The following NKAIN2 variants were observed in gnomAD, a reference collection of about 807,000 sequenced individuals.
NKAIN2 encodes sodium/potassium-transporting ATPase subunit beta-1-interacting protein 2.
Under a neutral mutation model 32.6 loss-of-function variants are expected in NKAIN2, and 14 were observed. That is an observed-to-expected ratio of 0.43 (90% confidence interval 0.28 to 0.67). NKAIN2 has a LOEUF of 0.67. Among genes scored for constraint, NKAIN2 ranks in the 30% least tolerant of loss-of-function variants. NKAIN2 has a pLI of 0.17. For synonymous variants in NKAIN2, 80 were observed against 87.2 expected (o/e 0.92, Z 0.46); for missense variants, 198 against 258.3 (o/e 0.77, Z 1.60).
chr6:124,411,083 G>A lies in NKAIN2; in HGVS notation c.273+55736G>A, dbSNP rs1373141363. ...TTTGAGCCTATGTGTGTCTCTGCAC[G>A]TGAGATGGGTTTCCTGAATACAGCA... On this transcript the variant is annotated intron_variant, in intron 3 of 6. Transcript: ENST00000368417. 2.1e-3 allele frequency among the ~76,000 whole-genome samples: 316 copies of A among 150,762 alleles called. 2 individuals are homozygous for A. Among genetic ancestry groups the A allele is most frequent in the South Asian group, 0.011 (50 of 4,720 alleles).
At chr6:124,424,371 CAT>C (rs1371455528) in intron 3 of NKAIN2, among the ~76,000 whole-genome samples, 1 of 152,142 alleles carries the variant, frequency 6.6e-6, no homozygotes, top group Non-Finnish European at 1.5e-5. Flanking sequence ...CAGCTCATTA[CAT>C]AGTTACTACT....
intron 1 of NKAIN2, among the ~76,000 whole-genome samples, chr6:124,084,380 G>T (rs546797718): frequency 6.6e-6 from 1 of 151,884 alleles, no homozygotes; most frequent in Non-Finnish European, 1.5e-5. Context: ...TGCCATACAG[G>T]TTTGTAGCTT....
intron 3 of NKAIN2, among the ~76,000 whole-genome samples, chr6:124,386,617 G>A (rs1772911556): frequency 6.6e-6 from 1 of 152,156 alleles, no homozygotes. Context: ...GTGGAAAATT[G>A]GCTTAGCTTT....
chr6:124,271,305 C>T (rs1245365079), intron 1 of NKAIN2, among the ~76,000 whole-genome samples: 1 of 152,164 alleles, frequency 6.6e-6, no homozygotes, highest in Non-Finnish European at 1.5e-5. Flanking sequence ...CAAGCTCCAC[C>T]TCCCGGGTTC....
intron 1 of NKAIN2, among the ~76,000 whole-genome samples, chr6:123,896,935 C>T (rs1774310788): frequency 6.6e-6 from 1 of 152,154 alleles, no homozygotes; most frequent in Non-Finnish European, 1.5e-5. Flanking sequence ...CCTGCAACCC[C>T]ACATTTCTTG....
intron 3 of NKAIN2, among the ~76,000 whole-genome samples, chr6:124,631,936 A>C (rs948064579): frequency 9.8e-5 from 15 of 152,312 alleles, no homozygotes; most frequent in Non-Finnish European, 2.1e-4. Context: ...AGATCCCTTA[A>C]GTAAGTGTAT....
rs148935626 is a variant in NKAIN2 at position 124,100,720 on chromosome 6, G to A, written c.55-182285G>A. Among the ~76,000 whole-genome samples the A allele has an allele frequency of 4.1e-3, 621 of 152,284 alleles. 3 individuals carry two copies. The highest frequency in any genetic ancestry group is 0.014 in the African/African-American group (572 of 41,566). On this transcript the variant is annotated intron_variant, in intron 1 of 6. Coordinates refer to ENST00000368417, the MANE Select transcript of NKAIN2 (RefSeq NM_001040214.3). ...AAATTAGATAGTTCTGCTTTGTTAC[G>A]AGAAACTATCAAACTCGGATGCAGG...
intron 3 of NKAIN2, among the ~76,000 whole-genome samples, chr6:124,623,278 A>T (rs1186416923): frequency 6.6e-6 from 1 of 152,012 alleles, no homozygotes. Flanking sequence ...CTATTCTTTG[A>T]CTCATCACAT....
Position 124,438,216 on chromosome 6 carries a change from G to C in NKAIN2, c.273+82869G>C, listed in dbSNP as rs146749689. Among the ~76,000 whole-genome samples the C allele has an allele frequency of 5.0e-3, 765 of 152,156 alleles. 6 individuals carry two copies. The highest frequency in any genetic ancestry group is 0.017 in the African/African-American group (701 of 41,514). ...TAATCAGCGTCAAGCTGCAATAATT[G>C]TCTAAAAATCCCCAGAATTTAATTT... is the stretch of plus-strand genomic sequence containing the variant. On this transcript the variant is annotated intron_variant, in intron 3 of 6. Coordinates refer to ENST00000368417, the MANE Select transcript of NKAIN2 (RefSeq NM_001040214.3).
intron 1 of NKAIN2, among the ~76,000 whole-genome samples, chr6:124,208,209 T>C (rs1017334870): frequency 2.0e-5 from 3 of 151,962 alleles, no homozygotes; most frequent in Non-Finnish European, 4.4e-5. Context: ...AGCCTCAATT[T>C]CTTGATATAT....
At chr6:123,976,312 CATATATAT>C (rs1379603157) in intron 1 of NKAIN2, among the ~76,000 whole-genome samples, 1 of 32,838 alleles carries the variant, frequency 3.0e-5, no homozygotes, top group Non-Finnish European at 6.5e-5. Flanking sequence ...TATATGTTTC[CATATATAT>C]ATATGTTCCC....
chr6:124,541,538 A>T (rs544773929), intron 3 of NKAIN2, among the ~76,000 whole-genome samples: 10 of 152,338 alleles, frequency 6.6e-5, no homozygotes, highest in African/African-American at 2.4e-4. Flanking sequence ...GACAGATTTG[A>T]GGAAAAGTAT....
chr6:124,498,238 G>T (rs928156498), intron 3 of NKAIN2, among the ~76,000 whole-genome samples: 2 of 152,140 alleles, frequency 1.3e-5, no homozygotes, highest in African/African-American at 4.8e-5. Context: ...GGAAAGATTG[G>T]CAGGGGGCAC....
chr6:124,593,439 G>A, intron 3 of NKAIN2, among the ~76,000 whole-genome samples: 1 of 152,062 alleles, frequency 6.6e-6, no homozygotes, highest in Non-Finnish European at 1.5e-5. Context: ...AGTTTGAAAG[G>A]AGAAAGTGGG....
At chr6:124,647,202 TAGG>T (rs1784205290) in intron 3 of NKAIN2, among the ~76,000 whole-genome samples, 1 of 151,694 alleles carries the variant, frequency 6.6e-6, no homozygotes, top group Admixed American at 6.6e-5. Flanking sequence ...AAGTAATATT[TAGG>T]AGAAGTACAG....
intron 5 of NKAIN2, among the ~76,000 whole-genome samples, chr6:124,801,822 G>A (rs1367071121): frequency 1.3e-5 from 2 of 152,074 alleles, no homozygotes; most frequent in Non-Finnish European, 2.9e-5. Context: ...GAAACCTAAG[G>A]GATAAATTAG....
chr6:124,021,179 T>A (rs955643835), intron 1 of NKAIN2, among the ~76,000 whole-genome samples: 22 of 152,082 alleles, frequency 1.4e-4, no homozygotes, highest in African/African-American at 5.3e-4. Context: ...AAGCATTATG[T>A]TATGACTAAA....
At chr6:124,244,136 T>C (rs939529216) in intron 1 of NKAIN2, among the ~76,000 whole-genome samples, 11 of 151,480 alleles carry the variant, frequency 7.3e-5, no homozygotes, top group Non-Finnish European at 1.6e-4. Flanking sequence ...CATGTGCACA[T>C]TGTGCAGGTT....
At chr6:123,881,403 C>G (rs1352676) in intron 1 of NKAIN2, among the ~76,000 whole-genome samples, 80,876 of 151,932 alleles carry the variant, frequency 0.53, 21,982 homozygotes, top group Admixed American at 0.64. Flanking sequence ...TCTCTTCCAA[C>G]TGAATGAGAA....
Sources: gnomAD v4.1 joint callset for allele counts (sites outside exome capture counted in the v4.1 genomes callset) on GRCh38, gnomAD v4.1.1 for gene constraint, MANE v1.5 for transcripts, NCBI Gene and HGNC (gene_info 2026-07-23, HGNC 2026-07-21) for gene names.